SLC25A29: variants seen among roughly 807,000 people sequenced by gnomAD.
SLC25A29 encodes the protein mitochondrial basic amino acids transporter.
A neutral mutation model predicts 10.0 loss-of-function variants in SLC25A29; 13 were observed. The ratio of observed to expected loss-of-function variants is 1.30; its 90% CI spans 0.85 to 2.07. The LOEUF is 2.07. Ranked by LOEUF, SLC25A29 falls within the 30% of genes most tolerant of loss-of-function variation. The probability of loss-of-function intolerance (pLI) is 0.00; values close to 1 mark genes in which losing one functional copy is unlikely to be tolerated. For synonymous variants in SLC25A29, 244 were observed against 221.1 expected (o/e 1.10, Z -0.92); for missense variants, 475 against 447.6 (o/e 1.06, Z -0.55).
At chr14:100,297,126 T>C (rs1892219783) in intron 2 of SLC25A29, among the ~76,000 whole-genome samples, 1 of 152,102 alleles carries the variant, frequency 6.6e-6, no homozygotes, top group Non-Finnish European at 1.5e-5. Flanking sequence ...AAGTTCAGCT[T>C]TTTAAGGTAG....
chr14:100,294,752 A>C (rs916900841), intron 2 of SLC25A29: 1 of 152,152 alleles, frequency 6.6e-6, no homozygotes, highest in East Asian at 1.9e-4. Flanking sequence ...AATTCTCTCC[A>C]CCAGAATAGG....
intron 1 of SLC25A29, 68 bp from the exon 2 acceptor site, chr14:100,298,953 G>T: frequency 6.3e-7 from 1 of 1,589,072 alleles, no homozygotes; most frequent in South Asian, 1.1e-5. Flanking sequence ...CTGGGCAGGA[G>T]GGGGTTCTGA....
intron 2 of SLC25A29, 162 bp downstream of exon 2, chr14:100,298,680 G>A (rs923939662): frequency 1.1e-6 from 1 of 879,280 alleles, no homozygotes. Flanking sequence ...GCCCCAGCTG[G>A]GAGATGCCAG....
intron 3 of SLC25A29, 71 bp from the exon 4 acceptor site, chr14:100,293,103 G>A: frequency 6.8e-7 from 1 of 1,464,414 alleles, no homozygotes; most frequent in Non-Finnish European, 9.0e-7. Context: ...AAGGGGGTCG[G>A]GGGATGGCAG....
the SLC25A29 span, chr14:100,280,666 T>G: frequency 6.6e-6 from 1 of 151,994 alleles, no homozygotes; most frequent in Non-Finnish European, 1.5e-5. Context: ...TTTTGCTAAA[T>G]AAGACCCTTT....
chr14:100,293,138 G>T, intron 3 of SLC25A29, 106 bp from the exon 4 acceptor site: 1 of 1,458,650 alleles, frequency 6.9e-7, no homozygotes, highest in Non-Finnish European at 9.1e-7. Flanking sequence ...AGGGGCTCCT[G>T]AGGACCAAGC....
chr14:100,299,236 C>T lies in SLC25A29; in HGVS notation c.35-351G>A, dbSNP rs1024957290. The T allele has an allele frequency of 5.3e-6, 6 of 1,131,110 alleles. No individual in the cohort carries two copies. In the African/African-American group the frequency reaches 6.6e-5, roughly 12 times the overall value. 70.1% of individuals were successfully genotyped at this position (1,131,110 alleles called of 1,614,324 possible). A position where few individuals can be genotyped will look rare whatever the true frequency, so the allele number is the denominator to read the frequency against. ...CTATTTCTGGGATATCCCATTAATC[C>T]AAACACCTGACATGGGCAGGAGGCT... On this transcript the variant is annotated intron_variant, in intron 1 of 3. Transcript: ENST00000359232.
chr14:100,301,801 C>T (rs888991313), intron 1 of SLC25A29, among the ~76,000 whole-genome samples: 7 of 152,022 alleles, frequency 4.6e-5, no homozygotes, highest in South Asian at 4.2e-4. Flanking sequence ...TGAGCCACCA[C>T]GCCCGGCACT....
the SLC25A29 span, chr14:100,282,628 C>T: frequency 6.6e-6 from 1 of 152,058 alleles, no homozygotes; most frequent in Non-Finnish European, 1.5e-5. Flanking sequence ...TTGGTTTTTC[C>T]TTAGCTCATA....
downstream of SLC25A29, among the ~76,000 whole-genome samples, chr14:100,289,940 T>C (rs1891627359): frequency 1.3e-5 from 2 of 151,888 alleles, no homozygotes; most frequent in South Asian, 2.1e-4. Flanking sequence ...GTGTTGGTCA[T>C]GTGAGGCCGC....
In SLC25A29 at chr14:100,292,336, C is replaced by T; in HGVS notation, c.859G>A (p.Ala287Thr). 6.7e-7 allele frequency: 1 copy of T among 1,495,764 alleles called. No homozygotes were observed. 92.7% of individuals were successfully genotyped at this position (1,495,764 alleles called of 1,614,324 possible). A position where few individuals can be genotyped will look rare whatever the true frequency, so the allele number is the denominator to read the frequency against. ...RGEEAGPEGE[A>T]VPAAPAGPAL... ...GGCCCCGCAGGGGCGGCGGGCACAG[C>T]CTCGCCCTCGGGCCCGGCCTCCTCG... The change falls in exon 4 of 4, where the codon GCT becomes ACT. Residue 287 changes from alanine (A) to threonine (T), a missense_variant. Ala to Thr is a moderately conservative substitution (Grantham distance 58). Transcript: ENST00000359232.
intron 1 of SLC25A29, chr14:100,299,657 T>C: frequency 1.0e-6 from 1 of 984,744 alleles, no homozygotes; most frequent in Non-Finnish European, 1.2e-6. Flanking sequence ...GCTGTGCAGG[T>C]GGTAACCATC....
the SLC25A29 span, chr14:100,279,098 A>G: frequency 3.3e-5 from 5 of 152,206 alleles, no homozygotes; most frequent in African/African-American, 1.2e-4. Context: ...CTCAATGAGT[A>G]CCTCTCACAT....
chr14:100,286,472 G>GA (rs1006608889), downstream of SLC25A29, among the ~76,000 whole-genome samples: 10 of 136,798 alleles, frequency 7.3e-5, no homozygotes, highest in Admixed American at 1.5e-4. Flanking sequence ...AGCATGGCTG[G>GA]GGGGGGGGGT....
chr14:100,285,926 C>G, the SLC25A29 span, among the ~76,000 whole-genome samples: 1 of 152,146 alleles, frequency 6.6e-6, no homozygotes, highest in Non-Finnish European at 1.5e-5. Flanking sequence ...GGTGCCGGCC[C>G]AAAGGGACGT....
In SLC25A29 at chr14:100,306,238, G is replaced by A. The variant is rs759803284; in HGVS notation, c.-6C>T. The A allele has an allele frequency of 4.0e-6, 6 of 1,489,052 alleles. No individual in the cohort carries two copies. In the African/African-American group the frequency reaches 8.7e-5, roughly 22 times the overall value. The allele number at this position is 1,489,052 out of a possible 1,614,324, so 92.2% of individuals were successfully genotyped here. ...GCCAAGAAGTCCAGCGCCATGGCCG[G>A]GTCCCCGGCGAGGCCGCCTTTCCTC... On this transcript the variant is annotated 5_prime_UTR_variant, in exon 1 of 4. Transcript: ENST00000359232.
chr14:100,300,555 G>A (rs1324553981), intron 1 of SLC25A29, among the ~76,000 whole-genome samples: 1 of 151,772 alleles, frequency 6.6e-6, no homozygotes, highest in Non-Finnish European at 1.5e-5. Flanking sequence ...GCTAATTTTT[G>A]TAATTTTGGC....
chr14:100,293,238 C>G (rs920614993), intron 3 of SLC25A29, 56 bp downstream of exon 3: 21 of 1,581,654 alleles, frequency 1.3e-5, no homozygotes, highest in South Asian at 5.6e-5. Context: ...GGTGGCAGCC[C>G]GGAAGCTAGT....
At chr14:100,301,499 C>T (rs1892544713) in intron 1 of SLC25A29, among the ~76,000 whole-genome samples, 2 of 150,794 alleles carry the variant, frequency 1.3e-5, no homozygotes, top group Admixed American at 6.6e-5. Context: ...TTTGTAATTT[C>T]AGCAAAGGGT....
Sources: gnomAD v4.1 joint callset for allele counts (sites outside exome capture counted in the v4.1 genomes callset) on GRCh38, gnomAD v4.1.1 for gene constraint, MANE v1.5 for transcripts, NCBI Gene and HGNC (gene_info 2026-07-23, HGNC 2026-07-21) for gene names.